PALS1: variants seen among roughly 807,000 people sequenced by gnomAD.
PALS1 encodes protein associated with LIN7 1, MAGUK p55 family member, also known as protein PALS1.
PALS1 carries 31 observed loss-of-function variants against 78.9 expected under a neutral mutation model. The ratio of observed to expected loss-of-function variants is 0.39; its 90% confidence interval spans 0.30 to 0.53. The LOEUF is 0.53. PALS1 is among the 20% of genes least tolerant of loss of function. The pLI is 0.67. For missense variants in PALS1, 704 were observed against 826.5 expected (o/e 0.85, Z 1.82); for synonymous variants, 276 against 270.9 (o/e 1.02, Z -0.18).
At chr14:67,241,751 C>T (rs1567493268) in intron 1 of PALS1, 1 of 152,146 alleles carries the variant, frequency 6.6e-6, no homozygotes, top group South Asian at 2.1e-4. Flanking sequence ...CGGAGCAACG[C>T]TGCCTGCGCG....
At chr14:67,331,821 T>C (rs2085454333) in intron 14 of PALS1, among the ~76,000 whole-genome samples, 1 of 152,184 alleles carries the variant, frequency 6.6e-6, no homozygotes, top group Non-Finnish European at 1.5e-5. Flanking sequence ...GAGCTTACGG[T>C]AGACATAAGT....
intron 14 of PALS1, among the ~76,000 whole-genome samples, chr14:67,330,213 G>C (rs1268274268): frequency 1.3e-5 from 2 of 150,502 alleles, no homozygotes; most frequent in African/African-American, 4.9e-5. Context: ...AAATAAGTTG[G>C]AGGGCATTTG....
chr14:67,295,855 T>G (rs1024008671), intron 4 of PALS1, among the ~76,000 whole-genome samples: 6 of 152,174 alleles, frequency 3.9e-5, no homozygotes, highest in Non-Finnish European at 7.3e-5. Context: ...ATTTCACTTG[T>G]AGGTATATAG....
At chr14:67,306,393 G>A (rs898950650) in intron 8 of PALS1, among the ~76,000 whole-genome samples, 3 of 151,982 alleles carry the variant, frequency 2.0e-5, no homozygotes, top group Admixed American at 1.3e-4. Context: ...CGCCCAGGCT[G>A]GAGTACAGTG....
chr14:67,265,812 GC>G, intron 1 of PALS1, among the ~76,000 whole-genome samples: 1 of 142,066 alleles, frequency 7.0e-6, no homozygotes, highest in Non-Finnish European at 1.5e-5. Context: ...AGCCAAAATC[GC>G]GCCACTGCAC....
chr14:67,332,993 T>G lies in PALS1; in HGVS notation c.*37T>G. 1 of 1,568,898 alleles carries G rather than the reference T, an allele frequency of 6.4e-7. No individual in the cohort carries two copies. The highest frequency in any genetic ancestry group is 8.7e-7 in the Non-Finnish European group (1 of 1,150,396). ...ATTCTGTGGCATGTTGGACTTGATC[T>G]GGCAAAAACTGCCAATAGGAGGACT... is the stretch of plus-strand genomic sequence containing the variant. On this transcript the variant is annotated 3_prime_UTR_variant, in exon 15 of 15. Coordinates refer to ENST00000261681, the MANE Select transcript of PALS1 (RefSeq NM_022474.4).
rs1491090879 is a variant in PALS1 at position 67,289,768 on chromosome 14, C to CTTTTTTTTTTTTTTTTTTT, written c.368-2743_368-2742insTTTTTTTTTTTTTTTTTTT. On this transcript the variant is annotated intron_variant, in intron 3 of 14. Transcript: ENST00000261681. ...ACATTGGGAAGATTTTTTTCCATGTCCTTTTTTTTTTTTTTTTTTTTTGAG... is the reference window on the plus strand; with the variant it reads ...ACATTGGGAAGATTTTTTTCCATGTCTTTTTTTTTTTTTTTTTTTCTTTTTTTTTTTTTTTTTTTTTGAG... Among the ~76,000 whole-genome samples, 6 of 95,508 alleles carry CTTTTTTTTTTTTTTTTTTT rather than the reference C, an allele frequency of 6.3e-5. 2 individuals carry two copies. The highest frequency in any genetic ancestry group is 6.4e-5 in the Non-Finnish European group (3 of 46,860). 62.7% of individuals were successfully genotyped at this position (95,508 alleles called of 152,430 possible).
chr14:67,318,332 AAAAT>A (rs150436239), intron 11 of PALS1, among the ~76,000 whole-genome samples: 23,449 of 152,100 alleles, frequency 0.15, 3,389 homozygotes, highest in East Asian at 0.42. Flanking sequence ...ATTTTTTTCT[AAAAT>A]AAATATCCTT....
chr14:67,272,387 G>A (rs1245908981), intron 2 of PALS1, among the ~76,000 whole-genome samples: 2 of 152,014 alleles, frequency 1.3e-5, no homozygotes, highest in South Asian at 2.1e-4. Context: ...TTCCAACCTC[G>A]TTTTTCATCT....
chr14:67,309,464 T>C (rs568058465), intron 8 of PALS1, among the ~76,000 whole-genome samples: 1 of 152,310 alleles, frequency 6.6e-6, no homozygotes, highest in Admixed American at 6.5e-5. Context: ...CTCTTAATTT[T>C]AGGGTATATT....
chr14:67,312,012 G>A (rs1306446205), intron 8 of PALS1: 1 of 152,620 alleles, frequency 6.6e-6, no homozygotes, highest in African/African-American at 2.4e-5. Flanking sequence ...GATGTGGTAA[G>A]GTAAAGTGTA....
chr14:67,308,003 T>A (rs2085030402), intron 8 of PALS1, among the ~76,000 whole-genome samples: 1 of 152,060 alleles, frequency 6.6e-6, no homozygotes, highest in Non-Finnish European at 1.5e-5. Context: ...AACCACATGT[T>A]CTCTTACATG....
chr14:67,257,351 G>A (rs1394278623), intron 1 of PALS1, among the ~76,000 whole-genome samples: 2 of 152,124 alleles, frequency 1.3e-5, no homozygotes, highest in Non-Finnish European at 2.9e-5. Context: ...AATGGTGAGG[G>A]AGGTATGTAG....
In PALS1 at chr14:67,335,202, A is replaced by ACTT. The variant is rs2085510710; in HGVS notation, c.*2247_*2249dup. 1.3e-5 allele frequency: 2 copies of ACTT among 152,320 alleles called. No individual in the cohort carries two copies. Among genetic ancestry groups the ACTT allele is most frequent in the Admixed American group, 6.5e-5 (1 of 15,294 alleles). The allele number at this position is 152,320 out of a possible 1,614,324, so 9.4% of individuals were successfully genotyped here. A position where few individuals can be genotyped will look rare whatever the true frequency, so the allele number is the denominator to read the frequency against. On this transcript the variant is annotated 3_prime_UTR_variant, in exon 15 of 15. Coordinates refer to ENST00000261681, the MANE Select transcript of PALS1 (RefSeq NM_022474.4). ...GCAATGGTAGATAGAAATGTCCTAA[A>ACTT]CTTTTCTAAATCCTAGTGATGAGGA...
chr14:67,264,311 A>G (rs2084285165), intron 1 of PALS1, among the ~76,000 whole-genome samples: 6 of 152,362 alleles, frequency 3.9e-5, no homozygotes, highest in Admixed American at 3.3e-4. Flanking sequence ...TGTTGAGTAC[A>G]TAGTGAGAAT....
At chr14:67,310,802 C>G (rs1263815005) in intron 8 of PALS1, among the ~76,000 whole-genome samples, 1 of 151,992 alleles carries the variant, frequency 6.6e-6, no homozygotes. Context: ...TAATGACAAG[C>G]CAAAAATTTT....
At chr14:67,311,370 A>G (rs951762980) in intron 8 of PALS1, among the ~76,000 whole-genome samples, 17 of 151,902 alleles carry the variant, frequency 1.1e-4, no homozygotes, top group Non-Finnish European at 1.9e-4. Context: ...TGGACCTTGA[A>G]TTCTTAGACT....
At position 67,280,853 on chromosome 14, in the gene PALS1, T is replaced by TTCCTTCCTTCCCTCCTTCCCTCCC. The variant is rs1328488242; in HGVS notation, c.367+1319_367+1320insTTCCTTCCCTCCTTCCCTCCCTCC. Among the ~76,000 whole-genome samples the TTCCTTCCTTCCCTCCTTCCCTCCC allele has an allele frequency of 4.1e-4, 32 of 77,572 alleles. 1 individual carries two copies. The East Asian group carries it at 0.017, about 42-fold the overall frequency. 50.9% of individuals were successfully genotyped at this position (77,572 alleles called of 152,430 possible). On this transcript the variant is annotated intron_variant, in intron 3 of 14. Coordinates refer to ENST00000261681, the MANE Select transcript of PALS1 (RefSeq NM_022474.4). Reference sequence around the variant, plus strand: ...CTTCCTTCCTTCCTTCCTTCCTTCCTTCCCTCCCTCCCTCCCTCCCTCCCT... The same window carrying TTCCTTCCTTCCCTCCTTCCCTCCC: ...CTTCCTTCCTTCCTTCCTTCCTTCCTTCCTTCCTTCCCTCCTTCCCTCCCTCCCTCCCTCCCTCCCTCCCTCCCT...
intron 3 of PALS1, among the ~76,000 whole-genome samples, chr14:67,284,423 A>C (rs371061719): frequency 4.9e-5 from 7 of 143,440 alleles, no homozygotes; most frequent in African/African-American, 8.0e-5. Flanking sequence ...CATAGACCCT[A>C]TCTCTTAAAA....
Sources: gnomAD v4.1 joint callset for allele counts (sites outside exome capture counted in the v4.1 genomes callset) on GRCh38, gnomAD v4.1.1 for gene constraint, MANE v1.5 for transcripts, NCBI Gene and HGNC (gene_info 2026-07-23, HGNC 2026-07-21) for gene names.